Variants in FAAH2 observed in about 807,000 individuals in gnomAD.
FAAH2 encodes the protein fatty-acid amide hydrolase 2.
In FAAH2, 60 loss-of-function variants were observed where a neutral mutation model predicts 36.9. That is an observed-to-expected ratio of 1.63 (90% confidence interval 1.32 to 2.02). FAAH2 has a LOEUF of 2.02. Ranked by LOEUF, FAAH2 falls within the 30% of genes most tolerant of loss-of-function variation. The pLI is 0.00. For missense variants in FAAH2, 689 were observed against 397.5 expected (o/e 1.73, Z -6.23); for synonymous variants, 214 against 143.8 (o/e 1.49, Z -3.49).
the FAAH2 span, among the ~76,000 whole-genome samples, chrX:57,217,391 C>T: frequency 2.7e-5 from 3 of 110,964 alleles, no homozygotes; most frequent in Non-Finnish European, 5.7e-5. Flanking sequence ...CCAGTGTTAT[C>T]TTCTAGAGTT....
At chrX:57,380,234 C>A (rs1054651158) in intron 6 of FAAH2, among the ~76,000 whole-genome samples, 3 of 110,453 alleles carry the variant, frequency 2.7e-5, no homozygotes, top group African/African-American at 9.9e-5. Context: ...TATCTCTATT[C>A]TTTCTACTTA....
At chrX:57,199,399 T>C in the FAAH2 span, among the ~76,000 whole-genome samples, 2 of 111,233 alleles carry the variant, frequency 1.8e-5, no homozygotes, top group Non-Finnish European at 3.8e-5. Context: ...GTATCCCAAA[T>C]TTCTATTGTT....
the FAAH2 span, among the ~76,000 whole-genome samples, chrX:57,262,333 C>A: frequency 1.6e-4 from 18 of 111,253 alleles, no homozygotes; most frequent in Admixed American, 1.6e-3. Flanking sequence ...TATAAAATTT[C>A]TCTGCAAAGA....
intron 3 of FAAH2, among the ~76,000 whole-genome samples, chrX:57,329,787 C>T (rs2053344269): frequency 9.0e-6 from 1 of 111,318 alleles, no homozygotes; most frequent in South Asian, 3.8e-4. Flanking sequence ...GAAGCCATGG[C>T]TGAAGAACTT....
intron 7 of FAAH2, among the ~76,000 whole-genome samples, chrX:57,401,179 A>C (rs1335319190): frequency 9.0e-6 from 1 of 111,687 alleles, no homozygotes; most frequent in African/African-American, 3.3e-5. Context: ...TGATGGCACA[A>C]GGTTTCTGAA....
At chrX:57,130,797 C>G in the FAAH2 span, among the ~76,000 whole-genome samples, 4 of 111,907 alleles carry the variant, frequency 3.6e-5, no homozygotes, top group Non-Finnish European at 7.5e-5. Flanking sequence ...CATAGTTTAT[C>G]TCAGATGCCT....
chrX:57,329,162 C>T (rs1478409633), intron 3 of FAAH2, among the ~76,000 whole-genome samples: 1 of 112,358 alleles, frequency 8.9e-6, no homozygotes, highest in Non-Finnish European at 1.9e-5. Flanking sequence ...TGAGATCATT[C>T]ACAGCAATTG....
At chrX:57,203,533 C>A in the FAAH2 span, among the ~76,000 whole-genome samples, 1 of 111,888 alleles carries the variant, frequency 8.9e-6, no homozygotes, top group African/African-American at 3.3e-5. Context: ...CAATATGTCC[C>A]CCTTTGTTTT....
At chrX:57,173,464 A>G in the FAAH2 span, among the ~76,000 whole-genome samples, 5 of 112,181 alleles carry the variant, frequency 4.5e-5, no homozygotes, top group African/African-American at 6.5e-5. Flanking sequence ...TTATCAGATG[A>G]AGGAGCCTTT....
At chrX:57,167,231 G>T in the FAAH2 span, among the ~76,000 whole-genome samples, 1 of 111,072 alleles carries the variant, frequency 9.0e-6, no homozygotes, top group Non-Finnish European at 1.9e-5. Context: ...TAAACAAAAC[G>T]GCCCCATTTT....
At chrX:57,457,765 G>T (rs772011897) in intron 10 of FAAH2, among the ~76,000 whole-genome samples, 56 of 105,371 alleles carry the variant, frequency 5.3e-4, no homozygotes, top group Non-Finnish European at 9.9e-4. Flanking sequence ...TTTACAAGCA[G>T]AACTGCAAAA....
intron 4 of FAAH2, among the ~76,000 whole-genome samples, chrX:57,333,624 A>G (rs1384269704): frequency 9.0e-6 from 1 of 111,199 alleles, no homozygotes; most frequent in Non-Finnish European, 1.9e-5. Context: ...ACAGAAATGA[A>G]GAACATCTTT....
At chrX:57,442,714 T>G (rs2056588818) in intron 8 of FAAH2, among the ~76,000 whole-genome samples, 2 of 112,250 alleles carry the variant, frequency 1.8e-5, no homozygotes, top group Admixed American at 1.9e-4. Flanking sequence ...TTGACAGTTT[T>G]TACAATTTGG....
intron 3 of FAAH2, among the ~76,000 whole-genome samples, chrX:57,323,276 T>C (rs2053090058): frequency 8.9e-6 from 1 of 111,778 alleles, no homozygotes; most frequent in African/African-American, 3.3e-5. Context: ...CTATTGTGAA[T>C]AGTGTCACAA....
At chrX:57,352,821 T>G (rs1308534853) in intron 5 of FAAH2, among the ~76,000 whole-genome samples, 4 of 111,137 alleles carry the variant, frequency 3.6e-5, no homozygotes, top group Admixed American at 9.6e-5. Context: ...CTAATTATGA[T>G]CTGAGAAAGC....
the FAAH2 span, among the ~76,000 whole-genome samples, chrX:57,216,240 C>A: frequency 9.4e-6 from 1 of 106,361 alleles, no homozygotes; most frequent in Non-Finnish European, 1.9e-5. Flanking sequence ...GTATATACTG[C>A]ACCATATATG....
intron 7 of FAAH2, among the ~76,000 whole-genome samples, chrX:57,383,843 C>T (rs2054929003): frequency 9.0e-6 from 1 of 111,381 alleles, no homozygotes; most frequent in South Asian, 3.8e-4. Flanking sequence ...CATATGGAAC[C>T]AAAAAAGAGC....
At chrX:57,186,064 T>C in the FAAH2 span, among the ~76,000 whole-genome samples, 1 of 111,431 alleles carries the variant, frequency 9.0e-6, no homozygotes, top group Non-Finnish European at 1.9e-5. Flanking sequence ...TGATTTATAA[T>C]CACTACTTTG....
At chrX:57,150,820 T>G in the FAAH2 span, among the ~76,000 whole-genome samples, 1 of 111,939 alleles carries the variant, frequency 8.9e-6, no homozygotes, top group Admixed American at 9.5e-5. Flanking sequence ...TAGCTGGTTA[T>G]TTTGCTCGTT....
Sources: allele counts gnomAD v4.1 joint callset (sites outside exome capture counted in the v4.1 genomes callset), GRCh38; gene constraint gnomAD v4.1.1; transcripts MANE v1.5; gene names NCBI Gene and HGNC (gene_info 2026-07-23, HGNC 2026-07-21).